LAMA1: variants seen among roughly 807,000 people sequenced by gnomAD.
The protein encoded by LAMA1 is laminin subunit alpha 1, also known as laminin subunit alpha-1.
LAMA1 carries 219 observed loss-of-function variants against 348.7 expected under a neutral mutation model. That is an observed-to-expected ratio of 0.63 (90% CI 0.56 to 0.70). LAMA1 has a LOEUF of 0.70. Among genes scored for constraint, LAMA1 ranks in the 30% least tolerant of loss-of-function variants. The pLI is 0.00. For synonymous variants in LAMA1, 1,487 were observed against 1,491.0 expected (o/e 1.00, Z 0.06); for missense variants, 3,744 against 3,888.0 (o/e 0.96, Z 0.99).
chr18:6,964,997 A>G (rs1358428299), intron 50 of LAMA1, among the ~76,000 whole-genome samples, 194 bp from the exon 51 acceptor site: 1 of 152,214 alleles, frequency 6.6e-6, no homozygotes, highest in African/African-American at 2.4e-5. Flanking sequence ...ACACATTGCT[A>G]AATAAGAGCA....
At position 7,107,611 on chromosome 18, in the gene LAMA1, G is replaced by A. The variant is rs547384462; in HGVS notation, c.61+10049C>T. The stretch of plus-strand genomic sequence containing the variant: ...AGGTCCCAAAGTGTCTTCAGTGCAT[G>A]GATGAATGAGTGAATAAATGAATGA... On this transcript the variant is annotated intron_variant, in intron 1 of 62. Transcript: ENST00000389658. 2.6e-4 allele frequency among the ~76,000 whole-genome samples: 39 copies of A among 152,168 alleles called. 1 individual carries two copies. The South Asian group carries it at 8.1e-3, about 32-fold the overall frequency.
intron 53 of LAMA1, 124 bp from the exon 54 acceptor site, chr18:6,959,616 T>A (rs991438060): frequency 2.0e-5 from 19 of 953,460 alleles, no homozygotes; most frequent in Non-Finnish European, 3.1e-5. Flanking sequence ...TCCTTAAGAA[T>A]CTCTTCAGCT....
At chr18:6,970,934 C>T (rs1353887379) in intron 48 of LAMA1, among the ~76,000 whole-genome samples, 1 of 152,030 alleles carries the variant, frequency 6.6e-6, no homozygotes, top group Non-Finnish European at 1.5e-5. Flanking sequence ...TTTAAACAAG[C>T]GAAGGAAGGG....
rs151328710 is a variant in LAMA1, at chr18:6,952,702, C to T, written c.8208-1731G>A. ...GTAGCGTGATGAGATCTCATGCCATCCCACTCGGTCCTGCCCAGAAAGTGA... is the reference window on the plus strand; with the variant it reads ...GTAGCGTGATGAGATCTCATGCCATTCCACTCGGTCCTGCCCAGAAAGTGA... On this transcript the variant is annotated intron_variant, in intron 57 of 62. Coordinates refer to ENST00000389658, the MANE Select transcript of LAMA1 (RefSeq NM_005559.4). 1.2e-3 allele frequency among the ~76,000 whole-genome samples: 180 copies of T among 152,384 alleles called. 1 individual carries two copies. The highest frequency in any genetic ancestry group is 4.2e-3 in the African/African-American group (176 of 41,596).
chr18:7,057,381 C>T (rs975305251), intron 3 of LAMA1, among the ~76,000 whole-genome samples: 2 of 152,074 alleles, frequency 1.3e-5, no homozygotes, highest in African/African-American at 2.4e-5. Context: ...GAAAGAAATC[C>T]CAGGCTGAGA....
chr18:7,030,290 G>A (rs1466896965), intron 16 of LAMA1, among the ~76,000 whole-genome samples: 1 of 152,166 alleles, frequency 6.6e-6, no homozygotes. Flanking sequence ...CATCAGACAA[G>A]CCCTGGCTGG....
intron 47 of LAMA1, chr18:6,972,323 A>G (rs953210313): frequency 2.9e-6 from 1 of 343,580 alleles, no homozygotes; most frequent in Non-Finnish European, 5.6e-6. Context: ...ACTTCAGAGC[A>G]TTGAACCAGA....
At chr18:6,992,361 G>A (rs2057762537) in intron 36 of LAMA1, among the ~76,000 whole-genome samples, 200 bp downstream of exon 36, 1 of 152,212 alleles carries the variant, frequency 6.6e-6, no homozygotes. Context: ...TACACTGACT[G>A]CACAGATTAC....
intron 10 of LAMA1, among the ~76,000 whole-genome samples, chr18:7,039,437 T>G (rs1039916002): frequency 6.6e-6 from 1 of 152,218 alleles, no homozygotes; most frequent in Admixed American, 6.5e-5. Flanking sequence ...ACCATATTAA[T>G]GCATTTCTTA....
intron 18 of LAMA1, 44 bp from the exon 19 acceptor site, chr18:7,023,419 TAA>T: frequency 6.5e-7 from 1 of 1,535,978 alleles, no homozygotes; most frequent in Non-Finnish European, 9.0e-7. Context: ...TGCAGTTACT[TAA>T]GGCCTTACCG....
Position 7,034,435 on chromosome 18 carries a change from G to A in LAMA1, c.2051+44C>T, listed in dbSNP as rs745614640. 7 of 1,387,128 alleles carry A rather than the reference G, an allele frequency of 5.0e-6. No individual in the cohort carries two copies. In the South Asian group the frequency reaches 8.2e-5, roughly 16 times the overall value. The allele number at this position is 1,387,128 out of a possible 1,614,324, so 85.9% of individuals were successfully genotyped here. On this transcript the variant is annotated intron_variant, in intron 14 of 62. Coordinates refer to ENST00000389658, the MANE Select transcript of LAMA1 (RefSeq NM_005559.4). Reference sequence around the variant, plus strand: ...TATATGAATAAACAAACATAAAATGGAAGTACCTTCACCGTAAGTTTTTCC... The same window carrying A: ...TATATGAATAAACAAACATAAAATGAAAGTACCTTCACCGTAAGTTTTTCC...
At chr18:7,086,797 G>A (rs1297524259) in intron 1 of LAMA1, among the ~76,000 whole-genome samples, 1 of 152,124 alleles carries the variant, frequency 6.6e-6, no homozygotes, top group Non-Finnish European at 1.5e-5. Context: ...CTGTGTCTTT[G>A]GGCAAGTCAA....
chr18:7,114,999 G>T (rs1232744260), intron 1 of LAMA1, among the ~76,000 whole-genome samples: 1 of 152,136 alleles, frequency 6.6e-6, no homozygotes, highest in African/African-American at 2.4e-5. Context: ...CATATTTAAT[G>T]TCTGGAAAAG....
At position 6,958,507 on chromosome 18, in the gene LAMA1, C is replaced by A; in HGVS notation, c.7934G>T (p.Gly2645Val). Reference sequence around the variant, plus strand: ...ATTGAAGATCAGGTTTTTGATACAGCCATGGAACGATCTTCTCATTGTGAG... The same window carrying A: ...ATTGAAGATCAGGTTTTTGATACAGACATGGAACGATCTTCTCATTGTGAG... ...SLLTMRRSFH[G>V]CIKNLIFNLE... Residue 2645 changes from glycine (G) to valine (V), a missense_variant, in exon 55 of 63, where the codon GGC (glycine) becomes GTC (valine). Physicochemically the swap from Gly to Val is moderately radical, Grantham distance 109. Coordinates refer to ENST00000389658, the MANE Select transcript of LAMA1 (RefSeq NM_005559.4). The A allele has an allele frequency of 6.2e-7, 1 of 1,614,162 alleles. No homozygotes were observed. Among genetic ancestry groups the A allele is most frequent in the African/African-American group, 1.3e-5 (1 of 75,032 alleles).
At chr18:6,969,978 A>C (rs1230068566) in intron 48 of LAMA1, among the ~76,000 whole-genome samples, 1 of 152,240 alleles carries the variant, frequency 6.6e-6, no homozygotes, top group Non-Finnish European at 1.5e-5. Flanking sequence ...GGACTTTTTC[A>C]TACTAGAAAT....
In LAMA1 at chr18:7,012,274, G is replaced by C; in HGVS notation, c.3364-136C>G. The C allele has an allele frequency of 1.3e-5, 12 of 909,398 alleles. 1 individual carries two copies. The South Asian group carries it at 1.7e-4, about 13-fold the overall frequency. 56.3% of individuals were successfully genotyped at this position (909,398 alleles called of 1,614,324 possible). ...CACAAACATTAGTTTCCTCTAGCCA[G>C]GCCCGGAGCTTTCTGAGTGTCAGTT... On this transcript the variant is annotated intron_variant, in intron 23 of 62. Coordinates refer to ENST00000389658, the MANE Select transcript of LAMA1 (RefSeq NM_005559.4).
At chr18:7,104,900 G>A (rs1455336565) in intron 1 of LAMA1, among the ~76,000 whole-genome samples, 1 of 152,222 alleles carries the variant, frequency 6.6e-6, no homozygotes, top group African/African-American at 2.4e-5. Flanking sequence ...GCTCTGCTCG[G>A]TTGGGTTCAG....
At chr18:6,992,411 T>C (rs570057766) in intron 36 of LAMA1, 150 bp downstream of exon 36, 128 of 824,488 alleles carry the variant, frequency 1.6e-4, no homozygotes, top group Admixed American at 3.3e-4. Context: ...CATCTCTTCA[T>C]TTACTTGACC....
At chr18:6,993,083 C>G (rs1461635232) in intron 35 of LAMA1, among the ~76,000 whole-genome samples, 1 of 151,024 alleles carries the variant, frequency 6.6e-6, no homozygotes, top group East Asian at 1.9e-4. Flanking sequence ...CTTGATCCTA[C>G]TTTTTTTATT....
Sources: allele counts gnomAD v4.1 joint callset (sites outside exome capture counted in the v4.1 genomes callset), GRCh38; gene constraint gnomAD v4.1.1; transcripts MANE v1.5; gene names NCBI Gene and HGNC (gene_info 2026-07-23, HGNC 2026-07-21).